The following PROS1 variants were observed in gnomAD, a reference collection of about 807,000 sequenced individuals.
PROS1 encodes protein S, also known as vitamin K-dependent protein S.
In PROS1, 29 loss-of-function variants were observed where a neutral mutation model predicts 75.9. That is an observed-to-expected ratio of 0.38 (90% CI 0.28 to 0.52). The LOEUF (loss-of-function observed/expected upper bound fraction) is 0.52, where lower values mean the gene tolerates loss of function less well. Ranked by LOEUF, PROS1 falls within the 20% of genes least tolerant of loss-of-function variation. The pLI is 0.83. For missense variants in PROS1, 680 were observed against 810.3 expected (o/e 0.84, Z 1.95); for synonymous variants, 245 against 280.6 (o/e 0.87, Z 1.27).
At chr3:93,931,261 TTTC>T (rs936847351) in intron 1 of PROS1, among the ~76,000 whole-genome samples, 4 of 152,192 alleles carry the variant, frequency 2.6e-5, no homozygotes, top group African/African-American at 9.6e-5. Context: ...CCAGTGCTCT[TTTC>T]TTGAGTGTAT....
At chr3:93,939,925 C>T (rs1036932113) in intron 1 of PROS1, among the ~76,000 whole-genome samples, 12 of 152,292 alleles carry the variant, frequency 7.9e-5, no homozygotes, top group South Asian at 2.1e-4. Context: ...GAGTTAGAGG[C>T]GGCCAAGTAG....
At chr3:93,903,390 G>A (rs1708626651) in intron 6 of PROS1, among the ~76,000 whole-genome samples, 1 of 152,156 alleles carries the variant, frequency 6.6e-6, no homozygotes, top group Non-Finnish European at 1.5e-5. Flanking sequence ...TTGGCCAGGT[G>A]TGGTGGCTCA....
intron 1 of PROS1, among the ~76,000 whole-genome samples, chr3:93,955,164 G>A (rs187658226): frequency 1.6e-4 from 24 of 152,308 alleles, no homozygotes; most frequent in African/African-American, 5.8e-4. Flanking sequence ...GGAAGACAGT[G>A]TGGCAATTCC....
intron 3 of PROS1, among the ~76,000 whole-genome samples, chr3:93,919,746 C>T (rs1708917443): frequency 6.6e-6 from 1 of 152,080 alleles, no homozygotes; most frequent in Non-Finnish European, 1.5e-5. Flanking sequence ...TTTATTCCAT[C>T]TAGAATTCAC....
intron 1 of PROS1, among the ~76,000 whole-genome samples, chr3:93,948,143 G>C (rs1357844557): frequency 6.6e-6 from 1 of 152,096 alleles, no homozygotes; most frequent in Non-Finnish European, 1.5e-5. Context: ...CCAGATATTT[G>C]CATACAGTTA....
chr3:93,928,011 A>ATATATATATATAT (rs1235149837), intron 1 of PROS1, among the ~76,000 whole-genome samples: 2 of 44,454 alleles, frequency 4.5e-5, no homozygotes, highest in Non-Finnish European at 7.8e-5. Flanking sequence ...ATATATATAT[A>ATATATATATATAT]TTTTTTTTTT....
At chr3:93,962,229 A>G (rs567028672) in intron 1 of PROS1, among the ~76,000 whole-genome samples, 1 of 152,048 alleles carries the variant, frequency 6.6e-6, no homozygotes, top group South Asian at 2.1e-4. Flanking sequence ...CATTTTGGAG[A>G]AAGGATTAAC....
At chr3:93,937,748 G>T (rs1253202883) in intron 1 of PROS1, among the ~76,000 whole-genome samples, 3 of 152,080 alleles carry the variant, frequency 2.0e-5, no homozygotes. Flanking sequence ...CCTGTCTTTG[G>T]TTTCACTTCC....
intron 3 of PROS1, among the ~76,000 whole-genome samples, chr3:93,916,758 G>A (rs1267887294): frequency 2.0e-5 from 3 of 152,158 alleles, no homozygotes; most frequent in African/African-American, 7.2e-5. Context: ...TTCAAGAGAG[G>A]TTCTGGTGGT....
rs1709918238 is a variant in PROS1 at position 93,973,691 on chromosome 3, G to T, written c.59C>A (p.Pro20His). The T allele has an allele frequency of 1.2e-6, 2 of 1,613,868 alleles. No individual in the cohort carries two copies. The highest frequency in any genetic ancestry group is 2.7e-5 in the African/African-American group (2 of 74,932). Residue 20 changes from proline to histidine, a missense_variant, in exon 1 of 15, where the codon CCC becomes CAC. Pro to His is a moderately conservative substitution (Grantham distance 77, BLOSUM62 -2). Coordinates refer to ENST00000394236, the MANE Select transcript of PROS1 (RefSeq NM_000313.4). ...TTACTCACAGTTTGCCTCTGAGACG[G>T]GAAGCACTAGGAGGAGACACGCCAG... ...ALLACLLLVL[P>H]VSEANFLSKQ... is the part of the protein sequence containing the mutation.
intron 4 of PROS1, among the ~76,000 whole-genome samples, chr3:93,906,524 C>T (rs1327353132): frequency 4.6e-5 from 7 of 152,180 alleles, no homozygotes; most frequent in South Asian, 4.1e-4. Context: ...GGCCTGCTCC[C>T]GCTGCCAGGC....
At chr3:93,888,916 T>C (rs935861802) in intron 10 of PROS1, among the ~76,000 whole-genome samples, 1 of 152,188 alleles carries the variant, frequency 6.6e-6, no homozygotes, top group African/African-American at 2.4e-5. Flanking sequence ...ATCCTCATCA[T>C]GGCCTCCAAG....
chr3:93,959,174 G>T (rs1352793984), intron 1 of PROS1, among the ~76,000 whole-genome samples: 3 of 152,046 alleles, frequency 2.0e-5, no homozygotes, highest in Admixed American at 6.6e-5. Flanking sequence ...AATTAGCTGG[G>T]CATGGTAGCT....
rs377398252 is a variant in PROS1, at chr3:93,886,428, C to G, written c.1231G>C (p.Gly411Arg). 1.2e-6 allele frequency: 2 copies of G among 1,613,322 alleles called. No individual in the cohort carries two copies. The highest frequency in any genetic ancestry group is 1.7e-6 in the Non-Finnish European group (2 of 1,179,546). The change falls in exon 11 of 15, where the codon GGA (glycine) becomes CGA (arginine). Residue 411 changes from glycine (G) to arginine (R), a missense_variant. Gly to Arg is a moderately radical substitution (Grantham distance 125). Transcript: ENST00000394236. The part of the protein sequence containing the change: ...KEAVMDINKP[G>R]PLFKPENGLL... ...CCATTTTCCGGCTTAAAAAGGGGTC[C>G]AGGTTTATTTATATCCATCACAGCT...
At chr3:93,881,933 G>A (rs1208069333) in intron 12 of PROS1, among the ~76,000 whole-genome samples, 3 of 151,992 alleles carry the variant, frequency 2.0e-5, no homozygotes, top group Non-Finnish European at 2.9e-5. Flanking sequence ...TATCACATTA[G>A]TGTTAACAAT....
At chr3:93,879,643 A>C (rs1356223902) in intron 12 of PROS1, among the ~76,000 whole-genome samples, 1 of 152,152 alleles carries the variant, frequency 6.6e-6, no homozygotes, top group African/African-American at 2.4e-5. Flanking sequence ...CAAATCTCAG[A>C]GTGGTCATAT....
Position 93,937,462 on chromosome 3 carries a change from G to T in PROS1, c.77-10055C>A, listed in dbSNP as rs193185854. On this transcript the variant is annotated intron_variant, in intron 1 of 14. Coordinates refer to ENST00000394236, the MANE Select transcript of PROS1 (RefSeq NM_000313.4). ...TGCTCACTGCAAGCTCCGCCTCCTG[G>T]GTTCATGCCATTCTCCTGCCTCAGC... Among the ~76,000 whole-genome samples the T allele has an allele frequency of 4.7e-3, 710 of 151,858 alleles. 10 individuals carry two copies. Among genetic ancestry groups the T allele is most frequent in the Non-Finnish European group, 5.0e-3 (339 of 67,896 alleles).
Position 93,877,146 on chromosome 3 carries a change from C to G in PROS1, c.1690G>C (p.Ala564Pro). Residue 564 changes from alanine to proline, a missense_variant, in exon 14 of 15, where the codon GCC (alanine) becomes CCC (proline). Transcript: ENST00000394236. ...TGTTGATCGGAACATAGACTTAGGG[C>G]CTGTATCCGATATATTACAGTATTT... ...VENTVIYRIQ[A>P]LSLCSDQQSH... The G allele has an allele frequency of 6.2e-7, 1 of 1,611,514 alleles. No homozygotes were observed.
intron 1 of PROS1, among the ~76,000 whole-genome samples, chr3:93,940,784 G>C (rs377166397): frequency 6.6e-6 from 1 of 152,118 alleles, no homozygotes; most frequent in African/African-American, 2.4e-5. Flanking sequence ...GGGGATTAAA[G>C]CCTGTTATCA....
Sources: gnomAD v4.1 joint callset for allele counts (sites outside exome capture counted in the v4.1 genomes callset) on GRCh38, gnomAD v4.1.1 for gene constraint, MANE v1.5 for transcripts, NCBI Gene and HGNC (gene_info 2026-07-23, HGNC 2026-07-21) for gene names.